The following WFS1 variants were observed in gnomAD, a reference collection of about 807,000 sequenced individuals.
The protein encoded by WFS1 is wolframin ER transmembrane glycoprotein, also known as wolframin.
Under a neutral mutation model 68.5 loss-of-function variants are expected in WFS1, and 90 were observed. The ratio of observed to expected loss-of-function variants is 1.31; its 90% CI spans 1.11 to 1.56. The LOEUF (loss-of-function observed/expected upper bound fraction) is 1.56, where lower values mean the gene tolerates loss of function less well. WFS1 is among the 40% of genes most tolerant of loss of function. The pLI, the probability that WFS1 is intolerant of heterozygous loss-of-function variation, is 0.00. For synonymous variants in WFS1, 860 were observed against 540.7 expected, an observed-to-expected ratio of 1.59 and a Z score of -8.19; for missense variants, 1,767 against 1,232.6, an observed-to-expected ratio of 1.43 and a Z score of -6.49.
chr4:6,273,488 G>A lies in WFS1; in HGVS notation c.-6+3474G>A, dbSNP rs1487457635. Among the ~76,000 whole-genome samples, 7 of 152,296 alleles carry A rather than the reference G, an allele frequency of 4.6e-5. No homozygotes were observed. The South Asian group carries it at 1.0e-3, about 23-fold the overall frequency. ...GCAGCTGGAGATGCCTGGATGCTGG[G>A]GTCTGGGGGAGGGACTTGCTAAGGT... On this transcript the variant is annotated intron_variant, in intron 1 of 7. Transcript: ENST00000226760.
chr4:6,299,966 T>C (rs1463264937), intron 7 of WFS1, among the ~76,000 whole-genome samples: 1 of 149,132 alleles, frequency 6.7e-6, no homozygotes. Context: ...TGCGTGTGTG[T>C]GTGTGCACGT....
Position 6,300,824 on chromosome 4 carries a change from CT to C in WFS1, c.1031del (p.Phe344SerfsTer15). On this transcript the variant is annotated frameshift_variant, in exon 8 of 8. Transcript: ENST00000226760. LOFTEE classifies it high-confidence loss of function. ...SNLTIDFFAF[F>X]IPLVIFYLSF... ...ACCTCACCATCGACTTCTTCGCCTT[CT>C]TCATCCCGCTGGTCATCTTCTACCT... 6.2e-7 allele frequency: 1 copy of C among 1,614,062 alleles called. No individual in the cohort carries two copies.
At chr4:6,288,546 TTA>T (rs1230826530) in intron 3 of WFS1, 2 of 261,000 alleles carry the variant, frequency 7.7e-6, no homozygotes, top group Admixed American at 4.9e-5. Context: ...CAATAAAACT[TTA>T]TTTGCAAAAA....
At chr4:6,296,255 A>G (rs561050387) in intron 7 of WFS1, among the ~76,000 whole-genome samples, 5 of 152,198 alleles carry the variant, frequency 3.3e-5, no homozygotes, top group Non-Finnish European at 7.3e-5. Context: ...CTGCAGGAGC[A>G]GCTTCAGCCC....
intron 1 of WFS1, 149 bp downstream of exon 1, chr4:6,270,163 C>G (rs1004446740): frequency 6.6e-6 from 1 of 152,180 alleles, no homozygotes; most frequent in African/African-American, 2.4e-5. Context: ...ACAAGGTCCC[C>G]GAAGTTGGAG....
rs118039460 is a variant in WFS1 at position 6,294,962 on chromosome 4, C to A, written c.713-79C>A. On this transcript the variant is annotated intron_variant, in intron 6 of 7. Coordinates refer to ENST00000226760, the MANE Select transcript of WFS1 (RefSeq NM_006005.3). Reference sequence around the variant, plus strand: ...TCTTAGCTTGGCCCCACGCCACCGTCCCCAGCCCATTGCTCTGTGTGAGGG... The same window carrying A: ...TCTTAGCTTGGCCCCACGCCACCGTACCCAGCCCATTGCTCTGTGTGAGGG... The A allele has an allele frequency of 1.6e-4, 260 of 1,608,498 alleles. No individual in the cohort carries two copies. In the East Asian group the frequency reaches 5.4e-3, roughly 33 times the overall value.
chr4:6,294,208 C>G lies in WFS1; in HGVS notation c.713-833C>G, dbSNP rs186899637. ...TGGTCCTTTCTTTCCCATCCTTCCCCTGGAGGCCCTCCTGGTCACCATCTC... is the reference window on the plus strand; with the variant it reads ...TGGTCCTTTCTTTCCCATCCTTCCCGTGGAGGCCCTCCTGGTCACCATCTC... On this transcript the variant is annotated intron_variant, in intron 6 of 7. Coordinates refer to ENST00000226760, the MANE Select transcript of WFS1 (RefSeq NM_006005.3). Among the ~76,000 whole-genome samples, 26 of 152,292 alleles carry G rather than the reference C, an allele frequency of 1.7e-4. No individual in the cohort carries two copies. The East Asian group carries it at 4.6e-3, about 27-fold the overall frequency.
intron 1 of WFS1, among the ~76,000 whole-genome samples, chr4:6,273,911 A>G (rs1729907786): frequency 1.3e-5 from 2 of 152,190 alleles, no homozygotes. Context: ...TTTTTTTTTA[A>G]CTGCAGTGTG....
chr4:6,288,617 T>G (rs1283141007), intron 3 of WFS1: 1 of 350,798 alleles, frequency 2.9e-6, no homozygotes, highest in Non-Finnish European at 5.5e-6. Context: ...CCTGGCTTTC[T>G]ATGGTCCCCT....
Position 6,277,643 on chromosome 4 carries a change from C to A in WFS1, c.188C>A (p.Pro63His). 1 of 1,567,744 alleles carries A rather than the reference C, an allele frequency of 6.4e-7. No individual in the cohort carries two copies. Among genetic ancestry groups the A allele is most frequent in the East Asian group, 2.4e-5 (1 of 42,390 alleles). ...AGAGACGCAGCGGCCCCCGCTGAAC[C>A]CCAGGCCCAGCATACCAGGAGCCGG... The part of the protein sequence containing the change: ...GVRDAAAPAE[P>H]QAQHTRSRER... The change falls in exon 2 of 8, where the codon CCC becomes CAC. Residue 63 changes from proline (P) to histidine (H), a missense_variant. Transcript: ENST00000226760.
chr4:6,273,437 T>C (rs753234318), intron 1 of WFS1, among the ~76,000 whole-genome samples: 2 of 152,048 alleles, frequency 1.3e-5, no homozygotes, highest in Admixed American at 6.5e-5. Flanking sequence ...ACCGTGCAGG[T>C]GGGGATCTGA....
At chr4:6,300,573 G>A in intron 7 of WFS1, 84 bp from the exon 8 acceptor site, 1 of 1,593,758 alleles carries the variant, frequency 6.3e-7, no homozygotes. Context: ...TTTGCCCAGA[G>A]GCAGGGTGGT....
intron 7 of WFS1, among the ~76,000 whole-genome samples, chr4:6,299,901 TTGTG>T (rs113629797): frequency 4.1e-5 from 5 of 121,730 alleles, no homozygotes; most frequent in South Asian, 2.9e-4. Flanking sequence ...TAGGGGTGGG[TTGTG>T]TGTGTGTGTA....
intron 1 of WFS1, among the ~76,000 whole-genome samples, chr4:6,273,419 AGTGCCCCACC>A (rs1729893996): frequency 6.6e-6 from 1 of 152,196 alleles, no homozygotes; most frequent in Admixed American, 6.5e-5. Context: ...GTTGGGGCTG[AGTGCCCCACC>A]GTGCAGGTGG....
At chr4:6,298,377 T>TG (rs1730702302) in intron 7 of WFS1, among the ~76,000 whole-genome samples, 1 of 152,256 alleles carries the variant, frequency 6.6e-6, no homozygotes, top group African/African-American at 2.4e-5. Flanking sequence ...CTGTAGTGCC[T>TG]GGTCTTCCCT....
rs761976067 is a variant in WFS1 at position 6,301,377 on chromosome 4, T to C, written c.1582T>C (p.Tyr528His). The change falls in exon 8 of 8, where the codon TAC becomes CAC. Residue 528 changes from tyrosine (Y) to histidine (H), a missense_variant. By Grantham distance (83) the Tyr-to-His change is moderately conservative (BLOSUM62 2). Coordinates refer to ENST00000226760, the MANE Select transcript of WFS1 (RefSeq NM_006005.3). ...ACAGCTGAGGAATTTCAAGGGCACC[T>C]ACTGCTACCTTGTGCCCTACCTGGT... ...MAQLRNFKGT[Y>H]CYLVPYLVCF... 1.2e-6 allele frequency: 2 copies of C among 1,612,630 alleles called. No homozygotes were observed. The highest frequency in any genetic ancestry group is 1.7e-6 in the Non-Finnish European group (2 of 1,180,036).
At chr4:6,276,265 G>A (rs756991131) in intron 1 of WFS1, among the ~76,000 whole-genome samples, 6 of 152,194 alleles carry the variant, frequency 3.9e-5, no homozygotes, top group Non-Finnish European at 7.3e-5. Flanking sequence ...TCCGGGGCTC[G>A]GGATCCTGCA....
intron 2 of WFS1, among the ~76,000 whole-genome samples, chr4:6,281,609 C>T (rs1730170453): frequency 6.6e-6 from 1 of 152,032 alleles, no homozygotes; most frequent in African/African-American, 2.4e-5. Flanking sequence ...GAGGTAGGGT[C>T]CTGGGGGTGG....
At position 6,301,024 on chromosome 4, in the gene WFS1, T is replaced by C; in HGVS notation, c.1229T>C (p.Leu410Pro). The change falls in exon 8 of 8, where the codon CTC becomes CCC. Residue 410 changes from leucine (L) to proline (P), a missense_variant. Physicochemically the swap from Leu to Pro is moderately conservative, Grantham distance 98. Coordinates refer to ENST00000226760, the MANE Select transcript of WFS1 (RefSeq NM_006005.3). The stretch of plus-strand genomic sequence containing the variant: ...CTGGAGCCCTATGCCCATTTCCTGC[T>C]CTCTGTCTTCTTCGTCATCTTCTCC... Reference protein sequence around the residue: ...NHLEPYAHFLLSVFFVIFSFP... With the variant: ...NHLEPYAHFLPSVFFVIFSFP... The C allele has an allele frequency of 1.2e-6, 2 of 1,614,020 alleles. No individual in the cohort carries two copies. The highest frequency in any genetic ancestry group is 1.7e-6 in the Non-Finnish European group (2 of 1,179,962).
Sources: allele counts gnomAD v4.1 joint callset (sites outside exome capture counted in the v4.1 genomes callset), GRCh38; gene constraint gnomAD v4.1.1; transcripts MANE v1.5; gene names NCBI Gene and HGNC (gene_info 2026-07-23, HGNC 2026-07-21).